ZNF536: variants seen among roughly 807,000 people sequenced by gnomAD.
The protein encoded by ZNF536 is zinc finger protein 536.
A neutral mutation model predicts 84.5 loss-of-function variants in ZNF536; 13 were observed. That is an observed-to-expected ratio of 0.15 (90% CI 0.10 to 0.24). The LOEUF is 0.24. Among genes scored for constraint, ZNF536 ranks in the 10% least tolerant of loss-of-function variants. The pLI is 1.00. For synonymous variants in ZNF536, 811 were observed against 742.5 expected (o/e 1.09, Z -1.50); for missense variants, 1,536 against 1,747.5 (o/e 0.88, Z 2.16).
intron 1 of ZNF536, among the ~76,000 whole-genome samples, chr19:30,252,517 G>A (rs1365678164): frequency 3.3e-5 from 5 of 152,158 alleles, no homozygotes; most frequent in Admixed American, 6.5e-5. Flanking sequence ...CCTGTGATGC[G>A]AATGGACCCT....
intron 1 of ZNF536, among the ~76,000 whole-genome samples, chr19:30,582,013 G>A (rs139128682): frequency 0.011 from 1,608 of 152,234 alleles, 55 homozygotes; most frequent in Admixed American, 0.066. Flanking sequence ...ACTGAATGTC[G>A]CAGGATTCCC....
intron 1 of ZNF536, among the ~76,000 whole-genome samples, chr19:30,655,200 G>A (rs1432260425): frequency 6.6e-6 from 1 of 152,202 alleles, no homozygotes; most frequent in African/African-American, 2.4e-5. Flanking sequence ...TTACAAGACA[G>A]AGTAAAATCA....
At chr19:30,387,952 C>T (rs2049413766) in intron 1 of ZNF536, among the ~76,000 whole-genome samples, 3 of 152,254 alleles carry the variant, frequency 2.0e-5, no homozygotes, top group African/African-American at 7.2e-5. Flanking sequence ...ATGAGCCAGG[C>T]ACCAGCTGGG....
At chr19:30,611,846 C>T (rs987249917) in intron 1 of ZNF536, among the ~76,000 whole-genome samples, 2 of 152,314 alleles carry the variant, frequency 1.3e-5, no homozygotes, top group South Asian at 4.1e-4. Flanking sequence ...ATGGAACACT[C>T]GTGTCAATAT....
intron 1 of ZNF536, among the ~76,000 whole-genome samples, chr19:30,572,185 T>C (rs1258941826): frequency 6.6e-6 from 1 of 152,198 alleles, no homozygotes; most frequent in Non-Finnish European, 1.5e-5. Context: ...GCAGAAAAAG[T>C]ACTGAAAGAG....
chr19:30,614,456 G>A (rs188712195), intron 1 of ZNF536, among the ~76,000 whole-genome samples: 62 of 151,784 alleles, frequency 4.1e-4, no homozygotes, highest in Non-Finnish European at 7.8e-4. Flanking sequence ...GGGACTGGGC[G>A]GGGGCGGGGG....
chr19:30,623,046 T>G (rs953658001), intron 1 of ZNF536, among the ~76,000 whole-genome samples: 14 of 148,482 alleles, frequency 9.4e-5, no homozygotes, highest in Admixed American at 4.0e-4. Flanking sequence ...TTTTGTTTTT[T>G]TGTTTTTTTG....
At position 30,436,091 on chromosome 19, in the gene ZNF536, G is replaced by A. The variant is rs373402480; in HGVS notation, c.-2-7470G>A. 3.7e-4 allele frequency among the ~76,000 whole-genome samples: 56 copies of A among 152,210 alleles called. No homozygotes were observed. The South Asian group carries it at 0.011, about 31-fold the overall frequency. On this transcript the variant is annotated intron_variant, in intron 1 of 4. Coordinates refer to ENST00000355537, the MANE Select transcript of ZNF536 (RefSeq NM_014717.3). Reference sequence around the variant, plus strand: ...GGGGCTCCATGGGACCACATATTAAGCCAGCCCAGCCAAATCCTGCTCACT... The same window carrying A: ...GGGGCTCCATGGGACCACATATTAAACCAGCCCAGCCAAATCCTGCTCACT...
intron 1 of ZNF536, among the ~76,000 whole-genome samples, chr19:30,620,871 CAA>C (rs759907246): frequency 1.4e-5 from 2 of 138,876 alleles, no homozygotes; most frequent in Non-Finnish European, 1.6e-5. Context: ...CCAATTCTGG[CAA>C]AAAAAAAAAA....
intron 1 of ZNF536, among the ~76,000 whole-genome samples, chr19:30,638,110 G>A (rs1450398139): frequency 6.6e-6 from 1 of 152,122 alleles, no homozygotes; most frequent in African/African-American, 2.4e-5. Context: ...GATCTGTTGT[G>A]TTGACACTGC....
chr19:30,488,046 C>T (rs4804933), intron 2 of ZNF536, among the ~76,000 whole-genome samples: 6 of 151,880 alleles, frequency 4.0e-5, no homozygotes, highest in African/African-American at 7.3e-5. Context: ...TTCTGCCGGC[C>T]GCCACAGCAG....
At chr19:30,579,814 C>G (rs1184437791) in intron 1 of ZNF536, among the ~76,000 whole-genome samples, 1 of 152,214 alleles carries the variant, frequency 6.6e-6, no homozygotes, top group Non-Finnish European at 1.5e-5. Context: ...GGACAGCACT[C>G]TGGTGAGATG....
intron 1 of ZNF536, among the ~76,000 whole-genome samples, chr19:30,635,854 G>T (rs777128442): frequency 6.6e-6 from 1 of 152,194 alleles, no homozygotes; most frequent in Non-Finnish European, 1.5e-5. Context: ...TGCGGAGAGC[G>T]CTTACCTCCT....
intron 2 of ZNF536, among the ~76,000 whole-genome samples, chr19:30,329,135 G>C (rs1321459966): frequency 1.3e-5 from 2 of 152,122 alleles, no homozygotes; most frequent in Admixed American, 1.3e-4. Flanking sequence ...AGTCCCTCTC[G>C]GGCTCTCAGT....
intron 1 of ZNF536, among the ~76,000 whole-genome samples, chr19:30,601,574 T>C (rs933975343): frequency 2.6e-5 from 4 of 152,144 alleles, no homozygotes; most frequent in African/African-American, 9.7e-5. Flanking sequence ...AAGGAACCTA[T>C]AGATGCCATC....
chr19:30,610,601 TC>T (rs1281282048), intron 1 of ZNF536, among the ~76,000 whole-genome samples: 2 of 152,180 alleles, frequency 1.3e-5, no homozygotes, highest in Admixed American at 1.3e-4. Flanking sequence ...AAGAAATGGA[TC>T]TTCATGTCAT....
intron 2 of ZNF536, among the ~76,000 whole-genome samples, chr19:30,333,906 C>T (rs2047296610): frequency 6.6e-6 from 1 of 152,104 alleles, no homozygotes; most frequent in Non-Finnish European, 1.5e-5. Flanking sequence ...TGCTGATATT[C>T]CTTTTCTGCA....
chr19:30,647,281 C>A (rs1247976269), intron 1 of ZNF536, among the ~76,000 whole-genome samples: 1 of 152,150 alleles, frequency 6.6e-6, no homozygotes, highest in Non-Finnish European at 1.5e-5. Flanking sequence ...TGTTTAATTT[C>A]TTTGATCTCC....
intron 1 of ZNF536, among the ~76,000 whole-genome samples, chr19:30,605,558 A>G (rs192577639): frequency 2.3e-4 from 35 of 152,268 alleles, no homozygotes; most frequent in African/African-American, 7.0e-4. Flanking sequence ...TGGCACATAT[A>G]TACTGTATTT....
Sources: gnomAD v4.1 joint callset for allele counts (sites outside exome capture counted in the v4.1 genomes callset) on GRCh38, gnomAD v4.1.1 for gene constraint, MANE v1.5 for transcripts, NCBI Gene and HGNC (gene_info 2026-07-23, HGNC 2026-07-21) for gene names.